GLIS2: variants seen among roughly 807,000 people sequenced by gnomAD.
The protein encoded by GLIS2 is zinc finger protein GLIS2.
A neutral mutation model predicts 35.6 loss-of-function variants in GLIS2; 14 were observed. The ratio of observed to expected loss-of-function variants is 0.39; its 90% CI spans 0.26 to 0.61. The LOEUF is 0.61. Among genes scored for constraint, GLIS2 ranks in the 20% least tolerant of loss-of-function variants. GLIS2 has a pLI of 0.48. For missense variants in GLIS2, 675 were observed against 713.4 expected, an observed-to-expected ratio of 0.95 and a Z score of 0.61; for synonymous variants, 368 against 325.1, an observed-to-expected ratio of 1.13 and a Z score of -1.42.
Position 4,335,253 on chromosome 16 carries a change from C to G in GLIS2, c.657-22C>G. On this transcript the variant is annotated intron_variant, in intron 5 of 6. Coordinates refer to ENST00000433375, the MANE Select transcript of GLIS2 (RefSeq NM_032575.3). This position sits in a 1 kb window ranked among gnomAD's most constrained non-coding sequence, Gnocchi z 4.6. The stretch of plus-strand genomic sequence containing the variant: ...GGGGTCTCCAGTGAGCTGAGCCGTG[C>G]CCCCCGCCCTCCCTGGAGCAGGTAC... 1 of 1,613,578 alleles carries G rather than the reference C, an allele frequency of 6.2e-7. No individual in the cohort carries two copies. Among genetic ancestry groups the G allele is most frequent in the Non-Finnish European group, 8.5e-7 (1 of 1,179,916 alleles).
At chr16:4,334,702 C>A in intron 3 of GLIS2, 99 bp from the exon 4 acceptor site, 1 of 1,423,888 alleles carries the variant, frequency 7.0e-7, no homozygotes, top group Non-Finnish European at 9.8e-7. Context: ...AGAAGAGGAC[C>A]TGAATGTCTC....
Position 4,316,394 on chromosome 16 carries a change from G to A in GLIS2, c.-67+140G>A, listed in dbSNP as rs375034290. On this transcript the variant is annotated intron_variant, in intron 1 of 6. Coordinates refer to ENST00000433375, the MANE Select transcript of GLIS2 (RefSeq NM_032575.3). ...GCGCCCCGGGCCATTGTGAGCCCTC[G>A]CCGAGGCCCCCGCGTTCGCTCGCTC... 4.1e-5 allele frequency among the ~76,000 whole-genome samples: 6 copies of A among 146,534 alleles called. No homozygotes were observed. The East Asian group carries it at 1.2e-3, about 30-fold the overall frequency.
chr16:4,335,414 G>A lies in GLIS2; in HGVS notation c.775+21G>A, dbSNP rs372924066. On this transcript the variant is annotated intron_variant, in intron 6 of 6. Coordinates refer to ENST00000433375, the MANE Select transcript of GLIS2 (RefSeq NM_032575.3). This position sits in a 1 kb window ranked among gnomAD's most constrained non-coding sequence, Gnocchi z 4.6. ...CACAGGTAAGAGGCCGGGGCCGGGC[G>A]GCTTGGCCCATGAAGGGGGCGCTCA... 54 of 1,611,228 alleles carry A rather than the reference G, an allele frequency of 3.4e-5. No individual in the cohort carries two copies. Among genetic ancestry groups the A allele is most frequent in the Non-Finnish European group, 4.2e-5 (50 of 1,178,502 alleles).
intron 1 of GLIS2, chr16:4,329,133 G>A (rs755088745): frequency 6.6e-6 from 1 of 152,158 alleles, no homozygotes; most frequent in African/African-American, 2.4e-5. Flanking sequence ...AGGAGCTTCG[G>A]GGAGGCTGGA....
rs557343372 is a variant in GLIS2, at chr16:4,326,244, C to G, written c.-66-5971C>G. Among the ~76,000 whole-genome samples the G allele has an allele frequency of 3.3e-5, 5 of 152,108 alleles. 1 individual carries two copies. The South Asian group carries it at 1.0e-3, about 32-fold the overall frequency. On this transcript the variant is annotated intron_variant, in intron 1 of 6. Coordinates refer to ENST00000433375, the MANE Select transcript of GLIS2 (RefSeq NM_032575.3). ...TGGGTGACAGAGTGAGACTCCATCT[C>G]AAAAAAGAAACAAACAAAAAAAACA... is the stretch of plus-strand genomic sequence containing the variant.
chr16:4,320,878 C>T lies in GLIS2; in HGVS notation c.-67+4624C>T, dbSNP rs1432962185. On this transcript the variant is annotated intron_variant, in intron 1 of 6. Coordinates refer to ENST00000433375, the MANE Select transcript of GLIS2 (RefSeq NM_032575.3). This position sits in a 1 kb window ranked among gnomAD's most constrained non-coding sequence, Gnocchi z 5.6. ...GCCAGCCCCGGCCTCCCCCAGCACCCCCCGGAGCACCTAGTGGTCACCCTG... is the reference window on the plus strand; with the variant it reads ...GCCAGCCCCGGCCTCCCCCAGCACCTCCCGGAGCACCTAGTGGTCACCCTG... Among the ~76,000 whole-genome samples, 3 of 152,288 alleles carry T rather than the reference C, an allele frequency of 2.0e-5. No individual in the cohort carries two copies. In the East Asian group the frequency reaches 5.8e-4, roughly 29 times the overall value.
At position 4,332,665 on chromosome 16, in the gene GLIS2, G is replaced by A. The variant is rs1286885089; in HGVS notation, c.172+213G>A. On this transcript the variant is annotated intron_variant, in intron 2 of 6. Transcript: ENST00000433375. This position sits in a 1 kb window ranked among gnomAD's most constrained non-coding sequence, Gnocchi z 5.4. Reference sequence around the variant, plus strand: ...CCAGCTCACGTGGCTGGCACACGATGCAAACTGAGGCCTCTAGGCAGATCT... The same window carrying A: ...CCAGCTCACGTGGCTGGCACACGATACAAACTGAGGCCTCTAGGCAGATCT... 1.3e-5 allele frequency among the ~76,000 whole-genome samples: 2 copies of A among 152,236 alleles called. No individual in the cohort carries two copies. Among genetic ancestry groups the A allele is most frequent in the Non-Finnish European group, 2.9e-5 (2 of 68,046 alleles).
chr16:4,334,520 G>C (rs2053529175), intron 3 of GLIS2, among the ~76,000 whole-genome samples: 1 of 151,952 alleles, frequency 6.6e-6, no homozygotes, highest in Non-Finnish European at 1.5e-5. Flanking sequence ...TTACAGGCGT[G>C]AGCCACCGCA....
intron 1 of GLIS2, chr16:4,328,411 G>A (rs958641481): frequency 1.3e-5 from 2 of 152,570 alleles, no homozygotes; most frequent in South Asian, 2.1e-4. Context: ...CGGTCGGGGC[G>A]GGGGTGGAAG....
chr16:4,327,067 T>C (rs567054515), intron 1 of GLIS2, among the ~76,000 whole-genome samples: 106 of 151,762 alleles, frequency 7.0e-4, no homozygotes, highest in African/African-American at 2.5e-3. Context: ...CACCGGCTGA[T>C]TTTTTTACTT....
At chr16:4,334,098 C>T (rs1055674793) in intron 3 of GLIS2, among the ~76,000 whole-genome samples, 1 of 151,712 alleles carries the variant, frequency 6.6e-6, no homozygotes, top group Non-Finnish European at 1.5e-5. Context: ...CACCATCACA[C>T]CTGGCTACTT....
rs1173293808 is a variant in GLIS2, at chr16:4,335,354, C to T, written c.736C>T (p.Arg246Cys). The part of the protein sequence containing the change: ...RCPTCSKSFS[R>C]LENLKIHNRS... ...TCCGACCTGCAGCAAGAGCTTCTCC[C>T]GCCTGGAGAACCTGAAGATCCACAA... The change falls in exon 6 of 7, where the codon CGC becomes TGC. Residue 246 changes from arginine (R) to cysteine (C), a missense_variant. Physicochemically the swap from Arg to Cys is radical, Grantham distance 180. This residue lies in a region of GLIS2 where 133 missense variants were observed against 191.4 expected (regional missense o/e 0.69). Transcript: ENST00000433375. This position sits in a 1 kb window ranked among gnomAD's most constrained non-coding sequence, Gnocchi z 4.6. The T allele has an allele frequency of 1.9e-6, 3 of 1,613,728 alleles. No individual in the cohort carries two copies. Among genetic ancestry groups the T allele is most frequent in the Non-Finnish European group, 1.7e-6 (2 of 1,180,002 alleles).
intron 1 of GLIS2, among the ~76,000 whole-genome samples, chr16:4,329,528 G>A (rs1022940397): frequency 6.6e-6 from 1 of 152,160 alleles, no homozygotes; most frequent in African/African-American, 2.4e-5. Context: ...TGGGGTCTGG[G>A]GATGTGTCCC....
intron 1 of GLIS2, among the ~76,000 whole-genome samples, chr16:4,318,367 G>A (rs561026587): frequency 6.6e-6 from 1 of 152,306 alleles, no homozygotes; most frequent in Non-Finnish European, 1.5e-5. Context: ...GGGGGTCAGG[G>A]GGAGGAAAGA....
rs539153071 is a variant in GLIS2 at position 4,337,092 on chromosome 16, C to T, written c.1143C>T (p.Leu381=). ...CCCTGGCCCCCGGCCCCCTTGACCT[C>T]AGTGCCCTGGCCTGTGGCAACGGTG... ...PLPLAPGPLD[L]SALACGNGGG... Residue 381 remains leucine (L), a synonymous_variant, in exon 7 of 7, where the codon CTC becomes CTT. Coordinates refer to ENST00000433375, the MANE Select transcript of GLIS2 (RefSeq NM_032575.3). 1 of 1,536,626 alleles carries T rather than the reference C, an allele frequency of 6.5e-7. No homozygotes were observed. The highest frequency in any genetic ancestry group is 1.4e-5 in the African/African-American group (1 of 73,116).
chr16:4,332,085 G>A lies in GLIS2; in HGVS notation c.-66-130G>A, dbSNP rs968066213. 4.9e-5 allele frequency: 35 copies of A among 713,218 alleles called. No homozygotes were observed. Among genetic ancestry groups the A allele is most frequent in the Non-Finnish European group, 8.0e-5 (33 of 410,878 alleles). The allele number at this position is 713,218 out of a possible 1,614,324, so 44.2% of individuals were successfully genotyped here. ...ATGATAGCTGCCGGCCAGGTCGCTC[G>A]GAGGGTCTCCCTACCCAGGAGACAA... On this transcript the variant is annotated intron_variant, in intron 1 of 6. Coordinates refer to ENST00000433375, the MANE Select transcript of GLIS2 (RefSeq NM_032575.3). This position sits in a 1 kb window ranked among gnomAD's most constrained non-coding sequence, Gnocchi z 5.4.
intron 1 of GLIS2, among the ~76,000 whole-genome samples, 93 bp downstream of exon 1, chr16:4,316,347 G>A (rs1012060074): frequency 3.4e-5 from 5 of 146,470 alleles, no homozygotes; most frequent in Admixed American, 6.7e-5. Context: ...GGGCCCGAGG[G>A]TCTCCTCCCC....
In GLIS2 at chr16:4,320,867, C is replaced by T. The variant is rs118072876; in HGVS notation, c.-67+4613C>T. 0.08 allele frequency among the ~76,000 whole-genome samples: 12,105 copies of T among 152,200 alleles called. 649 individuals are homozygous for T. Among genetic ancestry groups the T allele is most frequent in the Non-Finnish European group, 0.12 (8,219 of 67,992 alleles). On this transcript the variant is annotated intron_variant, in intron 1 of 6. Coordinates refer to ENST00000433375, the MANE Select transcript of GLIS2 (RefSeq NM_032575.3). The surrounding 1 kb of genome is among the most constrained non-coding windows in gnomAD (Gnocchi z 5.6). The stretch of plus-strand genomic sequence containing the variant: ...CTCGTCTCCCTGCCAGCCCCGGCCT[C>T]CCCCAGCACCCCCCGGAGCACCTAG...
chr16:4,334,793 C>T lies in GLIS2; in HGVS notation c.346-8C>T, dbSNP rs2053532194. 6.2e-6 allele frequency: 10 copies of T among 1,613,294 alleles called. No homozygotes were observed. The highest frequency in any genetic ancestry group is 8.5e-6 in the Non-Finnish European group (10 of 1,179,986). ...AGGACCTTGACTAGCCCTCCCCTCG[C>T]ACCCCAGGACTTCCAGCCACTGCGC... On this transcript the variant is annotated splice_polypyrimidine_tract_variant and splice_region_variant and intron_variant, in intron 3 of 6. Transcript: ENST00000433375.
Sources: allele counts gnomAD v4.1 joint callset (sites outside exome capture counted in the v4.1 genomes callset), GRCh38; gene constraint gnomAD v4.1.1; regional missense constraint gnomAD v4.1.1; non-coding constraint Gnocchi (gnomAD v3.1); transcripts MANE v1.5; gene names NCBI Gene and HGNC (gene_info 2026-07-23, HGNC 2026-07-21).